The following ATRNL1 variants were observed in gnomAD, a reference collection of about 807,000 sequenced individuals.
ATRNL1 encodes the protein attractin like 1.
ATRNL1 carries 95 observed loss-of-function variants against 182.7 expected under a neutral mutation model. That is an observed-to-expected ratio of 0.52 (90% CI 0.44 to 0.62). The LOEUF is 0.62. ATRNL1 is among the 20% of genes least tolerant of loss of function. ATRNL1 has a pLI of 0.00. For missense variants in ATRNL1, 1,471 were observed against 1,679.5 expected, an observed-to-expected ratio of 0.88 and a Z score of 2.17; for synonymous variants, 576 against 568.3, an observed-to-expected ratio of 1.01 and a Z score of -0.19.
chr10:115,739,569 G>A (rs1555067097), intron 27 of ATRNL1, among the ~76,000 whole-genome samples: 1 of 152,048 alleles, frequency 6.6e-6, no homozygotes, highest in Admixed American at 6.6e-5. Context: ...AACACAGTAG[G>A]GTAAATTTGA....
intron 19 of ATRNL1, among the ~76,000 whole-genome samples, chr10:115,335,337 C>T (rs1314099374): frequency 6.6e-6 from 1 of 152,046 alleles, no homozygotes; most frequent in Non-Finnish European, 1.5e-5. Context: ...GGGAGTGGAG[C>T]CTGACTCTGG....
intron 19 of ATRNL1, among the ~76,000 whole-genome samples, chr10:115,369,983 G>A (rs1257200629): frequency 1.3e-5 from 2 of 152,210 alleles, no homozygotes; most frequent in South Asian, 2.1e-4. Flanking sequence ...GGATCTGGTA[G>A]AAGATAATTG....
chr10:115,589,956 A>T (rs1555011671), intron 26 of ATRNL1, among the ~76,000 whole-genome samples: 1 of 152,188 alleles, frequency 6.6e-6, no homozygotes, highest in East Asian at 1.9e-4. Context: ...TCTATCTGAC[A>T]CAGCTTTGTG....
At chr10:115,098,483 A>G in intron 1 of ATRNL1, among the ~76,000 whole-genome samples, 2 of 103,090 alleles carry the variant, frequency 1.9e-5, no homozygotes, top group East Asian at 5.1e-4. Flanking sequence ...TTTTTTTGAG[A>G]CCGAGTCTGG....
chr10:115,483,920 ATTGT>A lies in ATRNL1; in HGVS notation c.3654+14596_3654+14599del, dbSNP rs1848893431. ...TAGAGTTTGACATGCTTTTAGGCTA[ATTGT>A]TTGTGAGACTGTAAGAAGCAGAGAG... On this transcript the variant is annotated intron_variant, in intron 24 of 28. Transcript: ENST00000355044. Among the ~76,000 whole-genome samples the A allele has an allele frequency of 2.0e-5, 3 of 151,682 alleles. No individual in the cohort carries two copies. In the South Asian group the frequency reaches 6.2e-4, roughly 31 times the overall value.
chr10:115,133,849 C>G (rs1408179932), intron 5 of ATRNL1, among the ~76,000 whole-genome samples: 4 of 152,186 alleles, frequency 2.6e-5, no homozygotes, highest in South Asian at 2.1e-4. Context: ...CAAGCTGTCT[C>G]TCAGACCACA....
chr10:115,148,570 C>A (rs1846069502), intron 5 of ATRNL1, among the ~76,000 whole-genome samples: 1 of 151,978 alleles, frequency 6.6e-6, no homozygotes, highest in African/African-American at 2.4e-5. Context: ...GAAGTGGCAT[C>A]ATTTGGGGAA....
At chr10:115,514,816 A>G (rs1319661543) in intron 24 of ATRNL1, among the ~76,000 whole-genome samples, 1 of 151,990 alleles carries the variant, frequency 6.6e-6, no homozygotes, top group Non-Finnish European at 1.5e-5. Flanking sequence ...TATTTTAATA[A>G]TCAATGCTTT....
chr10:115,802,194 A>G (rs1298561248), intron 27 of ATRNL1, among the ~76,000 whole-genome samples: 2 of 152,060 alleles, frequency 1.3e-5, no homozygotes, highest in African/African-American at 2.4e-5. Flanking sequence ...GGTGGTAAAC[A>G]ATGAACTCAG....
chr10:115,519,318 T>TC lies in ATRNL1; in HGVS notation c.3711dup (p.Phe1238LeufsTer46). The TC allele has an allele frequency of 6.2e-7, 1 of 1,611,444 alleles. No homozygotes were observed. The highest frequency in any genetic ancestry group is 8.5e-7 in the Non-Finnish European group (1 of 1,178,668). On this transcript the variant is annotated frameshift_variant, in exon 25 of 29. Coordinates refer to ENST00000355044, the MANE Select transcript of ATRNL1 (RefSeq NM_207303.4). LOFTEE classifies it high-confidence loss of function. ...GACCTTGTGCAGTTTTTTGTCACCT[T>TC]CTTCAGGTAAAAGTTTGCTTTGACT...
chr10:115,265,139 G>T, intron 10 of ATRNL1, 54 bp from the exon 11 acceptor site: 1 of 1,153,242 alleles, frequency 8.7e-7, no homozygotes, highest in Non-Finnish European at 1.3e-6. Flanking sequence ...CATATTATTT[G>T]TCTTAGTTTA....
rs561844433 is a variant in ATRNL1 at position 115,202,504 on chromosome 10, C to G, written c.1349-13193C>G. ...ATTGAGATAATCATGTGGTTTTTGT[C>G]TTTGGTTCTGTTTACATGATGGATT... On this transcript the variant is annotated intron_variant, in intron 8 of 28. Transcript: ENST00000355044. Among the ~76,000 whole-genome samples, 8 of 152,262 alleles carry G rather than the reference C, an allele frequency of 5.3e-5. No individual in the cohort carries two copies. In the East Asian group the frequency reaches 1.5e-3, roughly 29 times the overall value.
intron 24 of ATRNL1, among the ~76,000 whole-genome samples, chr10:115,512,504 TTTA>T (rs1458185153): frequency 6.6e-6 from 1 of 151,378 alleles, no homozygotes; most frequent in Non-Finnish European, 1.5e-5. Flanking sequence ...CTTGAAGTTA[TTTA>T]TTTATATTTA....
At chr10:115,942,688 A>G (rs1026901488) in intron 28 of ATRNL1, among the ~76,000 whole-genome samples, 5 of 152,234 alleles carry the variant, frequency 3.3e-5, no homozygotes, top group Non-Finnish European at 5.9e-5. Flanking sequence ...TAAGAGCAAC[A>G]TGTGGAGAAG....
intron 24 of ATRNL1, among the ~76,000 whole-genome samples, chr10:115,511,270 T>C (rs1297403646): frequency 1.3e-5 from 2 of 151,938 alleles, no homozygotes; most frequent in East Asian, 3.9e-4. Flanking sequence ...TAACAGCTAA[T>C]TTAATCTCCA....
At chr10:115,810,238 G>T (rs2907571) in intron 27 of ATRNL1, among the ~76,000 whole-genome samples, 24,814 of 151,780 alleles carry the variant, frequency 0.16, 2,212 homozygotes, top group Non-Finnish European at 0.2. Flanking sequence ...ATACTAGTCA[G>T]TAATTTTTAT....
At chr10:115,204,676 A>G (rs115363590) in intron 8 of ATRNL1, among the ~76,000 whole-genome samples, 1,886 of 151,936 alleles carry the variant, frequency 0.012, 34 homozygotes, top group African/African-American at 0.042. Context: ...TGTGATCTTG[A>G]TTTTTATTTG....
chr10:115,370,012 T>G (rs1039196837), intron 19 of ATRNL1, among the ~76,000 whole-genome samples: 4 of 152,186 alleles, frequency 2.6e-5, no homozygotes, highest in Non-Finnish European at 5.9e-5. Context: ...GGGTGGATCT[T>G]TCCCATGCTA....
At chr10:115,664,767 C>G (rs1860903070) in intron 26 of ATRNL1, among the ~76,000 whole-genome samples, 1 of 151,886 alleles carries the variant, frequency 6.6e-6, no homozygotes, top group Admixed American at 6.6e-5. Flanking sequence ...ATTTTCACTC[C>G]TAGAATTAGA....
Sources: allele counts gnomAD v4.1 joint callset (sites outside exome capture counted in the v4.1 genomes callset), GRCh38; gene constraint gnomAD v4.1.1; transcripts MANE v1.5; gene names NCBI Gene and HGNC (gene_info 2026-07-23, HGNC 2026-07-21).